The following DBNDD1 variants were observed in gnomAD, a reference collection of about 807,000 sequenced individuals.
DBNDD1 encodes the protein dysbindin domain-containing protein 1.
Under a neutral mutation model 17.0 loss-of-function variants are expected in DBNDD1, and 14 were observed. The ratio of observed to expected loss-of-function variants is 0.82; its 90% CI spans 0.54 to 1.29. The LOEUF is 1.29. Among genes scored for constraint, DBNDD1 ranks in the 50% most tolerant of loss-of-function variants. DBNDD1 has a pLI of 0.00. For synonymous variants in DBNDD1, 105 were observed against 102.0 expected, an observed-to-expected ratio of 1.03 and a Z score of -0.18; for missense variants, 221 against 216.2, an observed-to-expected ratio of 1.02 and a Z score of -0.14.
chr16:90,019,381 C>A lies in DBNDD1; in HGVS notation c.-40G>T. On this transcript the variant is annotated 5_prime_UTR_variant, in exon 1 of 4. Coordinates refer to ENST00000002501, the MANE Select transcript of DBNDD1 (RefSeq NM_001042610.3). This position sits in a 1 kb window ranked among gnomAD's most constrained non-coding sequence, Gnocchi z 6.1. ...CTGGGAGGGGCACGGGCGACGGCGG[C>A]GTCGCCTGGCCCGGGCGCCCCAACA... The A allele has an allele frequency of 1.7e-6, 2 of 1,194,616 alleles. No individual in the cohort carries two copies. Among genetic ancestry groups the A allele is most frequent in the Non-Finnish European group, 2.1e-6 (2 of 962,456 alleles). 74.0% of individuals were successfully genotyped at this position (1,194,616 alleles called of 1,614,324 possible). A position where few individuals can be genotyped will look rare whatever the true frequency, so the allele number is the denominator to read the frequency against.
chr16:90,006,644 A>C, intron 3 of DBNDD1, 152 bp from the exon 4 acceptor site: 1 of 1,024,430 alleles, frequency 9.8e-7, no homozygotes, highest in Non-Finnish European at 1.4e-6. Context: ...CTCTAACGGG[A>C]GGCCCCCACC....
At position 90,009,813 on chromosome 16, in the gene DBNDD1, C is replaced by T. The variant is rs1267514934; in HGVS notation, c.32-383G>A. The T allele has an allele frequency of 7.2e-6, 6 of 827,864 alleles. No individual in the cohort carries two copies. In the Admixed American group the frequency reaches 8.5e-5, roughly 12 times the overall value. 51.3% of individuals were successfully genotyped at this position (827,864 alleles called of 1,614,324 possible). A position where few individuals can be genotyped will look rare whatever the true frequency, so the allele number is the denominator to read the frequency against. ...CTCGGCCCAGGGTCCCCTGAAGGATCGCCCATGGATTTCCATGTCCAGCCT... is the reference window on the plus strand; with the variant it reads ...CTCGGCCCAGGGTCCCCTGAAGGATTGCCCATGGATTTCCATGTCCAGCCT... On this transcript the variant is annotated intron_variant, in intron 1 of 3. Coordinates refer to ENST00000002501, the MANE Select transcript of DBNDD1 (RefSeq NM_001042610.3).
Position 90,011,686 on chromosome 16 carries a change from T to C in DBNDD1, c.32-2256A>G, listed in dbSNP as rs1455865649. 1.1e-5 allele frequency: 5 copies of C among 455,340 alleles called. No homozygotes were observed. In the Admixed American group the frequency reaches 1.2e-4, roughly 11 times the overall value. 28.2% of individuals were successfully genotyped at this position (455,340 alleles called of 1,614,324 possible). On this transcript the variant is annotated intron_variant, in intron 1 of 3. Coordinates refer to ENST00000002501, the MANE Select transcript of DBNDD1 (RefSeq NM_001042610.3). ...TCTCGCGGAATCTGGTTTCCACCTT[T>C]CCACTGGCATCTGGAATGAGGTTTC...
chr16:90,006,951 T>G (rs2035439763), intron 3 of DBNDD1: 1 of 131,342 alleles, frequency 7.6e-6, no homozygotes, highest in Admixed American at 6.9e-5. Flanking sequence ...CCCGGCCTCT[T>G]GGAGCCTCTG....
At chr16:90,011,828 G>T in intron 1 of DBNDD1, 1 of 342,064 alleles carries the variant, frequency 2.9e-6, no homozygotes, top group East Asian at 8.9e-5. Context: ...TCTGTTCTAA[G>T]GCTGTGAGCA....
At chr16:90,013,261 T>TAAAAAAAAAAAAAAAAAA (rs1567835111) in intron 1 of DBNDD1, among the ~76,000 whole-genome samples, 2 of 4,494 alleles carry the variant, frequency 4.5e-4, no homozygotes, top group Non-Finnish European at 9.7e-4. Flanking sequence ...AAACCTTGCC[T>TAAAAAAAAAAAAAAAAAA]TAAAAAAAAA....
intron 1 of DBNDD1, among the ~76,000 whole-genome samples, chr16:90,010,730 C>T (rs2035539289): frequency 6.6e-6 from 1 of 152,178 alleles, no homozygotes; most frequent in Non-Finnish European, 1.5e-5. Context: ...GTCTTATGTC[C>T]ATCCCTCCAC....
At chr16:90,016,184 C>T (rs918094927) in intron 1 of DBNDD1, among the ~76,000 whole-genome samples, 7 of 152,120 alleles carry the variant, frequency 4.6e-5, no homozygotes, top group Non-Finnish European at 1.0e-4. Flanking sequence ...CAGCTCTAAG[C>T]GGCTTGTATC....
intron 1 of DBNDD1, chr16:90,010,126 A>G (rs1322421917): frequency 1.7e-5 from 23 of 1,373,270 alleles, no homozygotes; most frequent in Non-Finnish European, 2.3e-5. Flanking sequence ...GCTCACTGCA[A>G]CCTCTGCCCC....
intron 1 of DBNDD1, among the ~76,000 whole-genome samples, chr16:90,017,145 A>G (rs1019063363): frequency 4.6e-5 from 7 of 152,272 alleles, no homozygotes; most frequent in Non-Finnish European, 8.8e-5. Flanking sequence ...TACATTTCAT[A>G]TTAAGAAATC....
At chr16:90,014,511 GA>G (rs200551950) in intron 1 of DBNDD1, among the ~76,000 whole-genome samples, 45 of 151,648 alleles carry the variant, frequency 3.0e-4, no homozygotes, top group African/African-American at 1.1e-3. Context: ...TGCTGAGATG[GA>G]GGTCCCAAGC....
At chr16:90,009,925 T>G in intron 1 of DBNDD1, 1 of 1,599,946 alleles carries the variant, frequency 6.3e-7, no homozygotes, top group South Asian at 1.1e-5. Flanking sequence ...GAGTTCAGAA[T>G]AATACATTCT....
intron 1 of DBNDD1, among the ~76,000 whole-genome samples, chr16:90,016,163 G>C (rs979528004): frequency 3.9e-5 from 6 of 152,144 alleles, no homozygotes; most frequent in Non-Finnish European, 7.3e-5. Context: ...ACTGGGTAGA[G>C]CGAGAAGCAT....
At position 90,005,294 on chromosome 16, in the gene DBNDD1, C is replaced by T. The variant is rs1052404253; in HGVS notation, c.*1041G>A. The T allele has an allele frequency of 6.6e-6, 1 of 152,302 alleles. No homozygotes were observed. Among genetic ancestry groups the T allele is most frequent in the African/African-American group, 2.4e-5 (1 of 41,458 alleles). The allele number at this position is 152,302 out of a possible 1,614,324, so 9.4% of individuals were successfully genotyped here. ...TAAGCTTACACTTTGATATTAAACT[C>T]ATTCTTTGACTTGCTGTCAGGCAAG... On this transcript the variant is annotated 3_prime_UTR_variant, in exon 4 of 4. Transcript: ENST00000002501.
rs2035396708 is a variant in DBNDD1 at position 90,005,111 on chromosome 16, G to A, written c.*1224C>T. 6.6e-6 allele frequency: 1 copy of A among 152,532 alleles called. No individual in the cohort carries two copies. The highest frequency in any genetic ancestry group is 2.4e-5 in the African/African-American group (1 of 41,442). 9.4% of individuals were successfully genotyped at this position (152,532 alleles called of 1,614,324 possible). The stretch of plus-strand genomic sequence containing the variant: ...CCAGCAGTGCGGAGGGGCAGCGGGT[G>A]GCTCAGAAGTGGGAGCAGGTACACA... On this transcript the variant is annotated 3_prime_UTR_variant, in exon 4 of 4. Coordinates refer to ENST00000002501, the MANE Select transcript of DBNDD1 (RefSeq NM_001042610.3).
chr16:90,006,609 C>T, intron 3 of DBNDD1, 117 bp from the exon 4 acceptor site: 1 of 1,316,368 alleles, frequency 7.6e-7, no homozygotes, highest in Non-Finnish European at 1.0e-6. Flanking sequence ...CACCAGCCCC[C>T]TGCACCAGGC....
At chr16:90,016,192 A>T (rs1447972238) in intron 1 of DBNDD1, among the ~76,000 whole-genome samples, 1 of 152,138 alleles carries the variant, frequency 6.6e-6, no homozygotes, top group South Asian at 2.1e-4. Context: ...AGCGGCTTGT[A>T]TCTAGTTCAT....
chr16:90,013,207 T>C (rs889178245), intron 1 of DBNDD1, among the ~76,000 whole-genome samples: 1 of 129,792 alleles, frequency 7.7e-6, no homozygotes. Flanking sequence ...AAGTCAAGAA[T>C]GCAGTGAGCT....
At chr16:90,016,310 G>T (rs1216310079) in intron 1 of DBNDD1, among the ~76,000 whole-genome samples, 1 of 152,224 alleles carries the variant, frequency 6.6e-6, no homozygotes, top group Non-Finnish European at 1.5e-5. Flanking sequence ...ACCCAGGCCT[G>T]TCTGACACCC....
Sources: gnomAD v4.1 joint callset for allele counts (sites outside exome capture counted in the v4.1 genomes callset) on GRCh38, gnomAD v4.1.1 for gene constraint, Gnocchi (gnomAD v3.1) non-coding constraint, MANE v1.5 for transcripts, NCBI Gene and HGNC (gene_info 2026-07-23, HGNC 2026-07-21) for gene names.